The following ANXA2 variants were observed in gnomAD, a reference collection of about 807,000 sequenced individuals.
The protein encoded by ANXA2 is annexin A2.
ANXA2 carries 28 observed loss-of-function variants against 47.3 expected under a neutral mutation model. That is an observed-to-expected ratio of 0.59 (90% CI 0.44 to 0.81). The LOEUF (loss-of-function observed/expected upper bound fraction) is 0.81, where lower values mean the gene tolerates loss of function less well. Among genes scored for constraint, ANXA2 ranks in the 40% least tolerant of loss-of-function variants. ANXA2 has a pLI of 0.00. For missense variants in ANXA2, 384 were observed against 414.3 expected, an observed-to-expected ratio of 0.93 and a Z score of 0.64; for synonymous variants, 172 against 155.5, an observed-to-expected ratio of 1.11 and a Z score of -0.79.
At chr15:60,359,328 G>C (rs1347434905) in intron 5 of ANXA2, among the ~76,000 whole-genome samples, 1 of 152,158 alleles carries the variant, frequency 6.6e-6, no homozygotes, top group Non-Finnish European at 1.5e-5. Context: ...ATAGATTCTT[G>C]ATGAAAATAA....
At chr15:60,365,689 A>C (rs2062585111) in intron 3 of ANXA2, among the ~76,000 whole-genome samples, 1 of 152,246 alleles carries the variant, frequency 6.6e-6, no homozygotes, top group African/African-American at 2.4e-5. Context: ...ATAAAAATAA[A>C]TAACTTTTTA....
At chr15:60,378,298 T>C (rs1286348900) in intron 3 of ANXA2, among the ~76,000 whole-genome samples, 1 of 152,208 alleles carries the variant, frequency 6.6e-6, no homozygotes, top group Non-Finnish European at 1.5e-5. Context: ...AGGCAAATCG[T>C]ATGGCAGATT....
At chr15:60,361,087 T>A in intron 4 of ANXA2, 33 bp from the exon 5 acceptor site, 2 of 1,403,852 alleles carry the variant, frequency 1.4e-6, no homozygotes, top group Non-Finnish European at 2.0e-6. Flanking sequence ...AAGGAAAATA[T>A]TTATTTTACT....
chr15:60,364,093 C>T (rs1395862762), intron 4 of ANXA2, among the ~76,000 whole-genome samples: 2 of 152,194 alleles, frequency 1.3e-5, no homozygotes, highest in Non-Finnish European at 2.9e-5. Flanking sequence ...CTAAAGCGAG[C>T]GTGACCATCT....
intron 3 of ANXA2, among the ~76,000 whole-genome samples, chr15:60,377,215 G>T (rs745518199): frequency 2.8e-4 from 43 of 152,294 alleles, no homozygotes; most frequent in Non-Finnish European, 5.6e-4. Context: ...ATCTTAATTA[G>T]CTCATTTTTA....
chr15:60,366,818 CGGCCAGCCGCCCCGTCCGGGAGGGAGGTG>C, intron 3 of ANXA2, among the ~76,000 whole-genome samples: 1 of 56,214 alleles, frequency 1.8e-5, no homozygotes, highest in Non-Finnish European at 3.6e-5. Context: ...GGGGGGGGGT[CGGCCAGCCGCCCCGTCCGGGAGGGAGGTG>C]GGGGGGTCAG....
chr15:60,395,986 T>G (rs1166633529), intron 1 of ANXA2: 1 of 152,236 alleles, frequency 6.6e-6, no homozygotes, highest in Non-Finnish European at 1.5e-5. Context: ...CCCTTGCCCA[T>G]CAAGGGCACC....
chr15:60,359,576 C>T (rs1304480809), intron 5 of ANXA2, among the ~76,000 whole-genome samples: 4 of 152,222 alleles, frequency 2.6e-5, no homozygotes, highest in Admixed American at 2.6e-4. Flanking sequence ...AGCTGAAGAA[C>T]TAAAGGAAGA....
chr15:60,353,200 G>T (rs919963209), intron 8 of ANXA2, among the ~76,000 whole-genome samples: 9 of 152,150 alleles, frequency 5.9e-5, no homozygotes, highest in East Asian at 1.9e-4. Context: ...CTTACTTTGA[G>T]ATAATCGTTG....
At chr15:60,351,171 T>C in intron 11 of ANXA2, 22 bp downstream of exon 11, 1 of 1,613,092 alleles carries the variant, frequency 6.2e-7, no homozygotes, top group Non-Finnish European at 8.5e-7. Flanking sequence ...GAAACACAGC[T>C]CTCTCAGCCA....
chr15:60,382,361 T>C lies in ANXA2; in HGVS notation c.129A>G (p.Glu43=). 1 of 1,613,762 alleles carries C rather than the reference T, an allele frequency of 6.2e-7. No homozygotes were observed. The highest frequency in any genetic ancestry group is 8.5e-7 in the Non-Finnish European group (1 of 1,179,726). The stretch of plus-strand genomic sequence containing the variant: ...ACCTACCTTTGGTCTTGATGGCTGT[T>C]TCAATGTTCAAAGCATCCCGCTCAG... The part of the protein sequence containing the change: ...FDAERDALNI[E]TAIKTKGVDE... The change falls in exon 3 of 13, where the codon GAA becomes GAG. Residue 43 remains glutamate, a synonymous_variant. Transcript: ENST00000451270.
At chr15:60,397,427 C>G in intron 1 of ANXA2, 1 of 574,244 alleles carries the variant, frequency 1.7e-6, no homozygotes, top group Non-Finnish European at 2.2e-6. Context: ...CTCGTCTTCC[C>G]CCGCTACTTC....
At chr15:60,386,263 G>T (rs759505582) in intron 1 of ANXA2, 177 bp from the exon 2 acceptor site, 4 of 587,552 alleles carry the variant, frequency 6.8e-6, no homozygotes, top group Non-Finnish European at 1.2e-5. Flanking sequence ...CCTCAGAGAT[G>T]GTCTGCCTTG....
At chr15:60,396,955 C>T (rs1164876788) in intron 1 of ANXA2, among the ~76,000 whole-genome samples, 2 of 152,222 alleles carry the variant, frequency 1.3e-5, no homozygotes, top group Non-Finnish European at 2.9e-5. Flanking sequence ...GTGTACTTTA[C>T]ACATTTATTA....
At chr15:60,348,841 A>G (rs967985080) in intron 12 of ANXA2, among the ~76,000 whole-genome samples, 13 of 152,184 alleles carry the variant, frequency 8.5e-5, no homozygotes, top group African/African-American at 1.2e-4. Flanking sequence ...ACCGATGATC[A>G]TTGTAGAGTA....
chr15:60,374,948 G>C (rs577449160), intron 3 of ANXA2, among the ~76,000 whole-genome samples: 57 of 152,332 alleles, frequency 3.7e-4, no homozygotes, highest in African/African-American at 1.2e-3. Flanking sequence ...TGTTGGTTTA[G>C]CTCCTCACTT....
intron 7 of ANXA2, among the ~76,000 whole-genome samples, chr15:60,354,476 C>A (rs2062394848): frequency 6.6e-6 from 1 of 151,836 alleles, no homozygotes; most frequent in African/African-American, 2.4e-5. Context: ...CCTGTCTCTA[C>A]TAAATTAGCC....
intron 11 of ANXA2, among the ~76,000 whole-genome samples, chr15:60,349,404 C>T (rs143254382): frequency 1.3e-5 from 2 of 152,024 alleles, no homozygotes; most frequent in African/African-American, 2.4e-5. Context: ...TTATCAAAAG[C>T]GTTGTATAAA....
At chr15:60,358,194 T>C (rs1225143490) in intron 5 of ANXA2, among the ~76,000 whole-genome samples, 1 of 152,192 alleles carries the variant, frequency 6.6e-6, no homozygotes, top group Non-Finnish European at 1.5e-5. Flanking sequence ...AAAGAAATAA[T>C]GAAGTGCCAA....
Sources: gnomAD v4.1 joint callset for allele counts (sites outside exome capture counted in the v4.1 genomes callset) on GRCh38, gnomAD v4.1.1 for gene constraint, MANE v1.5 for transcripts, NCBI Gene and HGNC (gene_info 2026-07-23, HGNC 2026-07-21) for gene names.